Variants in DAP observed in about 807,000 individuals in gnomAD.
DAP encodes the protein death associated protein, also known as death-associated protein 1.
A neutral mutation model predicts 13.8 loss-of-function variants in DAP; 8 were observed. The ratio of observed to expected loss-of-function variants is 0.58; its 90% CI spans 0.34 to 1.05. DAP has a LOEUF of 1.05. Ranked by LOEUF, DAP falls within the 50% of genes least tolerant of loss-of-function variation. The pLI is 0.03. For synonymous variants in DAP, 47 were observed against 47.5 expected (o/e 0.99, Z 0.04); for missense variants, 106 against 133.2 (o/e 0.80, Z 1.01).
chr5:10,738,792 T>C (rs898147222), intron 2 of DAP, among the ~76,000 whole-genome samples: 5 of 152,238 alleles, frequency 3.3e-5, no homozygotes, highest in Non-Finnish European at 5.9e-5. Flanking sequence ...TTGATAATTA[T>C]ACAGTACTTG....
intron 2 of DAP, among the ~76,000 whole-genome samples, chr5:10,733,155 C>CGT (rs55645932): frequency 0.015 from 1,983 of 128,430 alleles, 15 homozygotes; most frequent in East Asian, 0.035. Context: ...AATATTCCTG[C>CGT]GTGTGTGTGT....
At chr5:10,724,500 C>G (rs1445631676) in intron 2 of DAP, among the ~76,000 whole-genome samples, 1 of 152,152 alleles carries the variant, frequency 6.6e-6, no homozygotes, top group East Asian at 1.9e-4. Context: ...TCATGATTTA[C>G]CAGGGGCCAC....
At chr5:10,706,626 A>C (rs1379872820) in intron 2 of DAP, among the ~76,000 whole-genome samples, 1 of 152,242 alleles carries the variant, frequency 6.6e-6, no homozygotes, top group Non-Finnish European at 1.5e-5. Flanking sequence ...TTTACTAATC[A>C]GTGACGAGGC....
intron 1 of DAP, among the ~76,000 whole-genome samples, chr5:10,754,419 T>C (rs751171225): frequency 2.0e-5 from 3 of 152,238 alleles, no homozygotes; most frequent in Non-Finnish European, 4.4e-5. Flanking sequence ...TTCATACTGC[T>C]ATTCTGTGCT....
At chr5:10,697,875 TAG>T (rs1234183010) in intron 2 of DAP, among the ~76,000 whole-genome samples, 1 of 151,838 alleles carries the variant, frequency 6.6e-6, no homozygotes, top group Non-Finnish European at 1.5e-5. Context: ...GCAACAGAAT[TAG>T]AGAGATGCCA....
chr5:10,711,725 G>A (rs1420565395), intron 2 of DAP, among the ~76,000 whole-genome samples: 1 of 152,170 alleles, frequency 6.6e-6, no homozygotes, highest in African/African-American at 2.4e-5. Context: ...CTCACACAGT[G>A]CTCTGAATAG....
intron 2 of DAP, among the ~76,000 whole-genome samples, chr5:10,714,681 G>C (rs1270541530): frequency 6.6e-6 from 1 of 152,218 alleles, no homozygotes. Context: ...TAATGTTGGA[G>C]GCTGGGCCTG....
intron 2 of DAP, among the ~76,000 whole-genome samples, chr5:10,740,395 A>G (rs1254460104): frequency 6.6e-6 from 1 of 152,178 alleles, no homozygotes; most frequent in East Asian, 1.9e-4. Flanking sequence ...ATGGCCAACA[A>G]TTTTTCCAAG....
At chr5:10,688,213 G>A in intron 2 of DAP, among the ~76,000 whole-genome samples, 1 of 151,896 alleles carries the variant, frequency 6.6e-6, no homozygotes, top group Non-Finnish European at 1.5e-5. Context: ...ATCACACCTG[G>A]CCTGTTGTCT....
At chr5:10,716,803 C>G (rs2126655870) in intron 2 of DAP, among the ~76,000 whole-genome samples, 1 of 152,254 alleles carries the variant, frequency 6.6e-6, no homozygotes, top group Admixed American at 6.5e-5. Context: ...CCTATTAGTT[C>G]TGTCCCTCTA....
rs528275636 is a variant in DAP, at chr5:10,726,821, A to G, written c.152+21354T>C. ...AAGGTGCAAGACCTCTGAGTCAGAG[A>G]GAGCAGAAAGAACGACATCTTAGCA... On this transcript the variant is annotated intron_variant, in intron 2 of 3. Coordinates refer to ENST00000230895, the MANE Select transcript of DAP (RefSeq NM_004394.3). 2.0e-5 allele frequency among the ~76,000 whole-genome samples: 3 copies of G among 152,344 alleles called. No individual in the cohort carries two copies. The South Asian group carries it at 6.2e-4, about 32-fold the overall frequency.
chr5:10,750,160 C>T (rs755357235), intron 1 of DAP, among the ~76,000 whole-genome samples: 2 of 152,180 alleles, frequency 1.3e-5, no homozygotes, highest in African/African-American at 2.4e-5. Context: ...ATACAGTCAA[C>T]TTGCCACACC....
At chr5:10,719,288 C>A (rs560820367) in intron 2 of DAP, among the ~76,000 whole-genome samples, 1 of 152,276 alleles carries the variant, frequency 6.6e-6, no homozygotes, top group Admixed American at 6.5e-5. Context: ...TGAGTGGGGT[C>A]CAGAACAGGA....
At chr5:10,725,761 G>A (rs977723099) in intron 2 of DAP, among the ~76,000 whole-genome samples, 1 of 152,192 alleles carries the variant, frequency 6.6e-6, no homozygotes, top group Admixed American at 6.5e-5. Context: ...GAAACGGTGG[G>A]CAGGAGACTG....
intron 2 of DAP, among the ~76,000 whole-genome samples, chr5:10,699,968 T>A (rs886228141): frequency 1.3e-5 from 2 of 152,228 alleles, no homozygotes; most frequent in African/African-American, 4.8e-5. Flanking sequence ...AGGAGGCAGA[T>A]GCTGGATGAT....
chr5:10,680,018 C>T lies in DAP; in HGVS notation c.*1038G>A, dbSNP rs1737940691. On this transcript the variant is annotated 3_prime_UTR_variant, in exon 4 of 4. Transcript: ENST00000230895. The stretch of plus-strand genomic sequence containing the variant: ...GGACATCTCTAGACAGGAAACTCAT[C>T]TAAAAATCGGAGGACAACCTGATGC... 1 of 152,564 alleles carries T rather than the reference C, an allele frequency of 6.6e-6. No homozygotes were observed. Among genetic ancestry groups the T allele is most frequent in the South Asian group, 2.1e-4 (1 of 4,836 alleles). The allele number at this position is 152,564 out of a possible 1,614,324, so 9.5% of individuals were successfully genotyped here.
At chr5:10,693,399 G>A (rs1046009329) in intron 2 of DAP, among the ~76,000 whole-genome samples, 2 of 152,204 alleles carry the variant, frequency 1.3e-5, no homozygotes, top group East Asian at 3.8e-4. Context: ...CCTTTAATAA[G>A]CCACTGGTGC....
At chr5:10,726,092 C>T (rs1461875655) in intron 2 of DAP, among the ~76,000 whole-genome samples, 1 of 152,180 alleles carries the variant, frequency 6.6e-6, no homozygotes, top group Non-Finnish European at 1.5e-5. Flanking sequence ...GTCAACAGGA[C>T]ACATGACAGA....
chr5:10,708,468 CAT>C lies in DAP; in HGVS notation c.153-24899_153-24898del, dbSNP rs1045565759. Among the ~76,000 whole-genome samples, 580 of 151,574 alleles carry C rather than the reference CAT, an allele frequency of 3.8e-3. 6 individuals carry two copies. The highest frequency in any genetic ancestry group is 0.013 in the African/African-American group (529 of 41,306). On this transcript the variant is annotated intron_variant, in intron 2 of 3. Coordinates refer to ENST00000230895, the MANE Select transcript of DAP (RefSeq NM_004394.3). ...ACACACACACACACACACACACGCA[CAT>C]ATCTCCCTAAACAAACAATTCTGCC...
Sources: gnomAD v4.1 joint callset for allele counts (sites outside exome capture counted in the v4.1 genomes callset) on GRCh38, gnomAD v4.1.1 for gene constraint, MANE v1.5 for transcripts, NCBI Gene and HGNC (gene_info 2026-07-23, HGNC 2026-07-21) for gene names.